Variants in MIPOL1 observed in about 807,000 individuals in gnomAD.
MIPOL1 encodes the protein mirror-image polydactyly gene 1 protein.
Under a neutral mutation model 60.9 loss-of-function variants are expected in MIPOL1, and 57 were observed. The observed-to-expected ratio is 0.94, with a 90% CI of 0.76 to 1.17. MIPOL1 has a LOEUF of 1.17. Ranked by LOEUF, MIPOL1 falls within the 50% of genes most tolerant of loss-of-function variation. The pLI, the probability that MIPOL1 is intolerant of heterozygous loss-of-function variation, is 0.00. For missense variants in MIPOL1, 551 were observed against 511.6 expected (o/e 1.08, Z -0.74); for synonymous variants, 179 against 168.8 (o/e 1.06, Z -0.47).
chr14:37,221,980 AAAATAAAT>A (rs150353776), intron 1 of MIPOL1, among the ~76,000 whole-genome samples: 1 of 151,438 alleles, frequency 6.6e-6, no homozygotes, highest in South Asian at 2.1e-4. Context: ...ATCAAATAGA[AAAATAAAT>A]AAATAAATAA....
At chr14:37,487,198 G>A (rs954532939) in intron 11 of MIPOL1, among the ~76,000 whole-genome samples, 1 of 152,086 alleles carries the variant, frequency 6.6e-6, no homozygotes, top group Admixed American at 6.6e-5. Flanking sequence ...CTTGATCGTG[G>A]TGGATAAGCT....
chr14:37,360,714 CT>C (rs565336630), intron 9 of MIPOL1, among the ~76,000 whole-genome samples: 268 of 152,074 alleles, frequency 1.8e-3, no homozygotes, highest in Non-Finnish European at 3.2e-3. Context: ...CTCTTTTGTT[CT>C]TTATTGGTCT....
chr14:37,530,992 A>G (rs1015128084), intron 12 of MIPOL1, among the ~76,000 whole-genome samples: 3 of 151,858 alleles, frequency 2.0e-5, no homozygotes, highest in Non-Finnish European at 4.4e-5. Context: ...TAATTTTTGT[A>G]TTTTTAGTAG....
At chr14:37,288,964 CT>C (rs2084819839) in intron 7 of MIPOL1, among the ~76,000 whole-genome samples, 1 of 152,120 alleles carries the variant, frequency 6.6e-6, no homozygotes, top group Non-Finnish European at 1.5e-5. Flanking sequence ...TAAAACTCTG[CT>C]TTTTTCATTA....
At chr14:37,412,368 T>TA (rs970888260) in intron 10 of MIPOL1, among the ~76,000 whole-genome samples, 13 of 151,612 alleles carry the variant, frequency 8.6e-5, no homozygotes, top group Admixed American at 4.0e-4. Context: ...ATAGTTGTCA[T>TA]AAAAAAAAGG....
intron 11 of MIPOL1, among the ~76,000 whole-genome samples, chr14:37,449,893 A>C (rs1043329317): frequency 6.6e-6 from 1 of 152,004 alleles, no homozygotes; most frequent in East Asian, 1.9e-4. Context: ...GCTCACTGCA[A>C]CCTTTGCCTC....
chr14:37,487,207 CT>C (rs1420826066), intron 11 of MIPOL1, among the ~76,000 whole-genome samples: 1 of 151,988 alleles, frequency 6.6e-6, no homozygotes, highest in Non-Finnish European at 1.5e-5. Context: ...GGTGGATAAG[CT>C]TTTTGATATG....
intron 9 of MIPOL1, among the ~76,000 whole-genome samples, chr14:37,346,399 A>G (rs2090948317): frequency 6.6e-6 from 1 of 152,148 alleles, no homozygotes; most frequent in African/African-American, 2.4e-5. Context: ...CCTGGGCCTT[A>G]CCTTCTATTC....
chr14:37,356,770 G>A (rs1241294510), intron 9 of MIPOL1, among the ~76,000 whole-genome samples: 4 of 152,246 alleles, frequency 2.6e-5, no homozygotes, highest in Middle Eastern at 6.8e-3. Flanking sequence ...TTCGGCTCAC[G>A]CACGGTGCGC....
Position 37,474,453 on chromosome 14 carries a change from G to A in MIPOL1, c.1032-25455G>A, listed in dbSNP as rs142547845. On this transcript the variant is annotated intron_variant, in intron 11 of 12. Coordinates refer to ENST00000684589, the MANE Select transcript of MIPOL1 (RefSeq NM_001388067.1). ...ATGGTGTTCTCGTGATAGTGAATAAGTCTCATGAGATCTAATGGTTTTATA... is the reference window on the plus strand; with the variant it reads ...ATGGTGTTCTCGTGATAGTGAATAAATCTCATGAGATCTAATGGTTTTATA... 5.6e-3 allele frequency among the ~76,000 whole-genome samples: 851 copies of A among 152,254 alleles called. 12 individuals carry two copies. Among genetic ancestry groups the A allele is most frequent in the African/African-American group, 0.019 (800 of 41,552 alleles).
At chr14:37,348,835 T>G (rs1213655529) in intron 9 of MIPOL1, among the ~76,000 whole-genome samples, 1 of 149,070 alleles carries the variant, frequency 6.7e-6, no homozygotes, top group African/African-American at 2.5e-5. Context: ...TTTGTTTTTT[T>G]TTTTTTTTTT....
At chr14:37,476,077 T>TCATCAGAGTTGTATAGGTTTCCTC (rs1184957259) in intron 11 of MIPOL1, among the ~76,000 whole-genome samples, 11 of 152,238 alleles carry the variant, frequency 7.2e-5, no homozygotes, top group African/African-American at 2.7e-4. Context: ...TTGATTTCTT[T>TCATCAGAGTTGTATAGGTTTCCTC]CATCAGAGTT....
chr14:37,351,069 C>CCA (rs2091325851), intron 9 of MIPOL1, among the ~76,000 whole-genome samples: 1 of 126,426 alleles, frequency 7.9e-6, no homozygotes, highest in Non-Finnish European at 1.6e-5. Flanking sequence ...TCCCCCCACC[C>CCA]CACAACGGTC....
At chr14:37,546,722 G>C (rs1277585742) in intron 12 of MIPOL1, among the ~76,000 whole-genome samples, 183 bp from the exon 13 acceptor site, 1 of 152,020 alleles carries the variant, frequency 6.6e-6, no homozygotes, top group Admixed American at 6.6e-5. Context: ...GTCGTTGCTG[G>C]GTTTTTTAAC....
intron 1 of MIPOL1, among the ~76,000 whole-genome samples, chr14:37,232,258 G>T (rs866020733): frequency 1.1e-4 from 16 of 152,090 alleles, no homozygotes; most frequent in African/African-American, 3.9e-4. Context: ...GTTACTAATT[G>T]AAGAATTATC....
At chr14:37,201,370 G>A (rs1965315046) in intron 1 of MIPOL1, among the ~76,000 whole-genome samples, 2 of 152,068 alleles carry the variant, frequency 1.3e-5, no homozygotes, top group Non-Finnish European at 1.5e-5. Flanking sequence ...CTGTAAATCT[G>A]AAGAACAAAA....
At chr14:37,228,678 C>G (rs1297845903) in intron 1 of MIPOL1, among the ~76,000 whole-genome samples, 2 of 152,170 alleles carry the variant, frequency 1.3e-5, no homozygotes, top group Admixed American at 6.6e-5. Flanking sequence ...TTTATCTTCT[C>G]TCTTCAGGTT....
At chr14:37,295,064 G>C (rs1434770638) in intron 7 of MIPOL1, among the ~76,000 whole-genome samples, 1 of 152,110 alleles carries the variant, frequency 6.6e-6, no homozygotes, top group African/African-American at 2.4e-5. Flanking sequence ...GAAAGGTTGG[G>C]TTACCCACAA....
intron 9 of MIPOL1, among the ~76,000 whole-genome samples, chr14:37,353,414 G>A (rs1039969809): frequency 6.8e-6 from 1 of 148,122 alleles, no homozygotes; most frequent in Non-Finnish European, 1.5e-5. Context: ...AATGATGCTG[G>A]CCTCATAAAA....
Sources: gnomAD v4.1 joint callset for allele counts (sites outside exome capture counted in the v4.1 genomes callset) on GRCh38, gnomAD v4.1.1 for gene constraint, MANE v1.5 for transcripts, NCBI Gene and HGNC (gene_info 2026-07-23, HGNC 2026-07-21) for gene names.